Variants in FILIP1 observed in about 807,000 individuals in gnomAD.
FILIP1 encodes filamin A interacting protein 1.
In FILIP1, 61 loss-of-function variants were observed where a neutral mutation model predicts 102.1. The observed-to-expected ratio is 0.60, with a 90% CI of 0.49 to 0.74. The LOEUF (loss-of-function observed/expected upper bound fraction) is 0.74, where lower values mean the gene tolerates loss of function less well. Ranked by LOEUF, FILIP1 falls within the 30% of genes least tolerant of loss-of-function variation. The pLI, the probability that FILIP1 is intolerant of heterozygous loss-of-function variation, is 0.00. For synonymous variants in FILIP1, 491 were observed against 526.9 expected, an observed-to-expected ratio of 0.93 and a Z score of 0.93; for missense variants, 1,314 against 1,441.2, an observed-to-expected ratio of 0.91 and a Z score of 1.43.
intron 2 of FILIP1, among the ~76,000 whole-genome samples, chr6:75,408,714 T>C (rs1039795549): frequency 3.9e-5 from 6 of 152,166 alleles, no homozygotes; most frequent in Non-Finnish European, 2.9e-5. Flanking sequence ...CTCCTCCTTT[T>C]CCCCAAGTCA....
intron 1 of FILIP1, among the ~76,000 whole-genome samples, chr6:75,469,445 A>T (rs952411344): frequency 6.6e-6 from 1 of 152,014 alleles, no homozygotes; most frequent in East Asian, 1.9e-4. Flanking sequence ...TTGAAATGGT[A>T]TTCAAATATA....
intron 4 of FILIP1, among the ~76,000 whole-genome samples, chr6:75,316,733 A>G (rs1773462120): frequency 6.6e-6 from 1 of 152,168 alleles, no homozygotes; most frequent in Non-Finnish European, 1.5e-5. Context: ...TTTATTCCTA[A>G]AATAGGAGGA....
chr6:75,367,080 A>G (rs1775363869), intron 2 of FILIP1, among the ~76,000 whole-genome samples: 1 of 152,208 alleles, frequency 6.6e-6, no homozygotes, highest in African/African-American at 2.4e-5. Context: ...TTGACCCCAA[A>G]CTTCCTAATT....
chr6:75,360,028 GC>G (rs779113454), intron 3 of FILIP1, among the ~76,000 whole-genome samples: 1 of 152,162 alleles, frequency 6.6e-6, no homozygotes, highest in Non-Finnish European at 1.5e-5. Context: ...CTCACTGAGG[GC>G]AAAGACAATA....
At chr6:75,341,072 A>G (rs1419739148) in intron 4 of FILIP1, among the ~76,000 whole-genome samples, 1 of 151,638 alleles carries the variant, frequency 6.6e-6, no homozygotes, top group Non-Finnish European at 1.5e-5. Flanking sequence ...AAAAAAAGGT[A>G]TTTTTAGAAC....
chr6:75,308,689 C>G lies in FILIP1; in HGVS notation c.*2G>C. 6.2e-7 allele frequency: 1 copy of G among 1,612,670 alleles called. No individual in the cohort carries two copies. ...CACAACATACCCCCTTAGCCACTGC[C>G]CTCAGCCCTTCCCCCCTCCGAGAGA... On this transcript the variant is annotated 3_prime_UTR_variant, in exon 6 of 6. Transcript: ENST00000237172.
intron 1 of FILIP1, among the ~76,000 whole-genome samples, chr6:75,478,975 GT>G (rs1779566886): frequency 6.6e-6 from 1 of 152,092 alleles, no homozygotes; most frequent in Non-Finnish European, 1.5e-5. Flanking sequence ...AGTCATAAAT[GT>G]GTCAATTTTG....
rs35558046 is a variant in FILIP1 at position 75,313,042 on chromosome 6, C to T, written c.2790G>A (p.Pro930=). ...TACTAGAAAAAAATTCTTCAGATGT[C>T]GGGCTTGTTATCTCCAAAGTCGCAG... The part of the protein sequence containing the change: ...NSTATLEITS[P]TSEEFFSSTT... Residue 930 remains proline (P), a synonymous_variant, in exon 5 of 6, where the codon CCG becomes CCA. Transcript: ENST00000237172. The surrounding 1 kb of genome is among the most constrained non-coding windows in gnomAD (Gnocchi z 4.2). The T allele has an allele frequency of 6.2e-6, 10 of 1,613,974 alleles. No individual in the cohort carries two copies. In the Admixed American group the frequency reaches 6.7e-5, roughly 11 times the overall value.
At chr6:75,437,402 T>C (rs1778062824) in intron 1 of FILIP1, among the ~76,000 whole-genome samples, 1 of 152,250 alleles carries the variant, frequency 6.6e-6, no homozygotes, top group Non-Finnish European at 1.5e-5. Context: ...TTTTTCTTTC[T>C]TTTATTAGAA....
chr6:75,488,440 T>C (rs1372040587), intron 1 of FILIP1, among the ~76,000 whole-genome samples: 1 of 149,470 alleles, frequency 6.7e-6, no homozygotes, highest in African/African-American at 2.4e-5. Context: ...ACTGACCATT[T>C]AAGAAAAAAA....
At chr6:75,412,854 T>G (rs1162031859) in intron 2 of FILIP1, among the ~76,000 whole-genome samples, 1 of 152,194 alleles carries the variant, frequency 6.6e-6, no homozygotes, top group East Asian at 1.9e-4. Context: ...ACCAGGTCCT[T>G]CATTATCCTT....
At chr6:75,316,668 T>C (rs1050073805) in intron 4 of FILIP1, among the ~76,000 whole-genome samples, 8 of 152,178 alleles carry the variant, frequency 5.3e-5, no homozygotes, top group African/African-American at 1.2e-4. Context: ...TTATAAAGCA[T>C]GATTGTGTCT....
At chr6:75,402,430 A>C (rs1776688425) in intron 2 of FILIP1, among the ~76,000 whole-genome samples, 1 of 152,286 alleles carries the variant, frequency 6.6e-6, no homozygotes, top group East Asian at 1.9e-4. Context: ...GTGAGGTTTC[A>C]CTGGGCAGCC....
rs764835248 is a variant in FILIP1, at chr6:75,315,161, C to T, written c.671G>A (p.Arg224His). 44 of 1,585,154 alleles carry T rather than the reference C, an allele frequency of 2.8e-5. No individual in the cohort carries two copies. The Middle Eastern group carries it at 5.1e-4, about 18-fold the overall frequency. ...TCGTTTAGCATTTTCCTTTTCTTTG[C>T]GGGCTTGATAAGCCTTTTCTTGTTC... ...LLEQEKAYQA[R>H]KEKENAKRLN... is the part of the protein sequence containing the mutation. Residue 224 changes from arginine (R) to histidine (H), a missense_variant, in exon 5 of 6, where the codon CGC (arginine) becomes CAC (histidine). Transcript: ENST00000237172.
At chr6:75,364,460 G>A (rs1775266293) in intron 2 of FILIP1, among the ~76,000 whole-genome samples, 1 of 152,192 alleles carries the variant, frequency 6.6e-6, no homozygotes, top group Admixed American at 6.5e-5. Flanking sequence ...ATTGTACAAG[G>A]CATAACTCCC....
chr6:75,314,214 CT>C lies in FILIP1; in HGVS notation c.1617del (p.Val540LeufsTer4). 2.6e-6 allele frequency: 4 copies of C among 1,561,970 alleles called. No homozygotes were observed. The highest frequency in any genetic ancestry group is 2.3e-5 in the Admixed American group (1 of 44,242). On this transcript the variant is annotated frameshift_variant, in exon 5 of 6. Coordinates refer to ENST00000237172, the MANE Select transcript of FILIP1 (RefSeq NM_015687.5). LOFTEE classifies it high-confidence loss of function. ...ATTAGTTTTTCAGTTACATCCATAACTTTTCCTTGTTCCACCTTAAAATTTT... is the reference window on the plus strand; with the variant it reads ...ATTAGTTTTTCAGTTACATCCATAACTTTCCTTGTTCCACCTTAAAATTTT... ...LNKNFKVEQG[K>X]VMDVTEKLIE...
At chr6:75,319,038 A>T in intron 4 of FILIP1, 1 of 695,900 alleles carries the variant, frequency 1.4e-6, no homozygotes, top group Non-Finnish European at 2.6e-6. Context: ...CTTATTCATC[A>T]TCGTCATCTT....
chr6:75,341,340 T>A (rs1582370817), intron 4 of FILIP1, among the ~76,000 whole-genome samples: 1 of 151,818 alleles, frequency 6.6e-6, no homozygotes, highest in African/African-American at 2.4e-5. Context: ...TTTTTTTTTT[T>A]AAAGATGAGG....
At chr6:75,420,138 ATGT>A (rs1039507620) in intron 1 of FILIP1, among the ~76,000 whole-genome samples, 1 of 152,146 alleles carries the variant, frequency 6.6e-6, no homozygotes, top group African/African-American at 2.4e-5. Context: ...CACTGCAGTG[ATGT>A]TGTCATGAAA....
Sources: allele counts gnomAD v4.1 joint callset (sites outside exome capture counted in the v4.1 genomes callset), GRCh38; gene constraint gnomAD v4.1.1; non-coding constraint Gnocchi (gnomAD v3.1); transcripts MANE v1.5; gene names NCBI Gene and HGNC (gene_info 2026-07-23, HGNC 2026-07-21).